The following KRABD5 variants were observed in gnomAD, a reference collection of about 807,000 sequenced individuals.
The protein encoded by KRABD5 is KRAB domain-containing protein 5.
chr16:31,721,158 G>A, the KRABD5 span, among the ~76,000 whole-genome samples: 1 of 152,122 alleles, frequency 6.6e-6, no homozygotes, highest in South Asian at 2.1e-4. Context: ...GAATGTGTTA[G>A]TCTTCATAGT....
the KRABD5 span, among the ~76,000 whole-genome samples, chr16:31,749,110 G>A: frequency 4.6e-5 from 7 of 152,214 alleles, no homozygotes; most frequent in South Asian, 2.1e-4. Flanking sequence ...CTCTCGCTAG[G>A]GGCTCAGGCC....
At chr16:31,739,999 T>C in the KRABD5 span, among the ~76,000 whole-genome samples, 2 of 152,230 alleles carry the variant, frequency 1.3e-5, no homozygotes, top group Non-Finnish European at 2.9e-5. Flanking sequence ...ATCCCTTTGT[T>C]TCCTGTAAGG....
At chr16:31,714,781 AG>A in the KRABD5 span, among the ~76,000 whole-genome samples, 1 of 152,202 alleles carries the variant, frequency 6.6e-6, no homozygotes, top group Non-Finnish European at 1.5e-5. Context: ...TCTGGAAAGC[AG>A]GGGATTCACA....
chr16:31,723,196 C>T, the KRABD5 span: 1 of 1,540,512 alleles, frequency 6.5e-7, no homozygotes, highest in Non-Finnish European at 8.9e-7. Flanking sequence ...ACTGAGTATC[C>T]TACTGAGCTG....
At chr16:31,732,105 A>T in the KRABD5 span, among the ~76,000 whole-genome samples, 1 of 152,204 alleles carries the variant, frequency 6.6e-6, no homozygotes, top group Admixed American at 6.5e-5. Flanking sequence ...ACAGTCAGAT[A>T]TAGCAATTTT....
At chr16:31,746,790 T>A in the KRABD5 span, among the ~76,000 whole-genome samples, 1 of 152,184 alleles carries the variant, frequency 6.6e-6, no homozygotes, top group Non-Finnish European at 1.5e-5. Flanking sequence ...AAGTCACGTA[T>A]TTCTTGGAGG....
the KRABD5 span, among the ~76,000 whole-genome samples, chr16:31,745,113 A>G: frequency 2.0e-5 from 3 of 151,994 alleles, no homozygotes; most frequent in South Asian, 2.1e-4. Context: ...TCATGTCTCT[A>G]TCTCCTTCAA....
the KRABD5 span, among the ~76,000 whole-genome samples, chr16:31,723,023 C>T: frequency 2.0e-5 from 3 of 152,292 alleles, no homozygotes; most frequent in East Asian, 3.9e-4. Flanking sequence ...ATTGCCCACA[C>T]TTTAAAATCT....
chr16:31,751,736 C>T, the KRABD5 span, among the ~76,000 whole-genome samples: 1 of 152,064 alleles, frequency 6.6e-6, no homozygotes, highest in African/African-American at 2.4e-5. Flanking sequence ...TTTGCTGATG[C>T]TTTGTATGGA....
the KRABD5 span, among the ~76,000 whole-genome samples, chr16:31,728,530 T>C: frequency 6.6e-6 from 1 of 152,188 alleles, no homozygotes; most frequent in African/African-American, 2.4e-5. Context: ...GATTTTTCTT[T>C]TGATTTCTTC....
the KRABD5 span, among the ~76,000 whole-genome samples, chr16:31,731,605 C>T: frequency 6.6e-6 from 1 of 152,198 alleles, no homozygotes; most frequent in East Asian, 1.9e-4. Context: ...GGGCCCATGG[C>T]TTGTCTCCTT....
At chr16:31,734,501 T>G in the KRABD5 span, among the ~76,000 whole-genome samples, 92,120 of 151,912 alleles carry the variant, frequency 0.61, 28,999 homozygotes, top group Middle Eastern at 0.73. Context: ...GTGCTCCTGC[T>G]TCCGCCTCCC....
chr16:31,739,948 AGCCCATCCCTTTATTTTG>A, the KRABD5 span, among the ~76,000 whole-genome samples: 22,881 of 152,046 alleles, frequency 0.15, 2,419 homozygotes, highest in South Asian at 0.32. Flanking sequence ...AACTAGCCAG[AGCCCATCCCTTTATTTTG>A]GCCCATCCCT....
the KRABD5 span, chr16:31,722,756 A>G: frequency 1.3e-6 from 2 of 1,579,816 alleles, no homozygotes; most frequent in Non-Finnish European, 1.7e-6. Context: ...TCTCTGGGTG[A>G]GGATAACTTG....
the KRABD5 span, among the ~76,000 whole-genome samples, chr16:31,715,222 A>G: frequency 6.6e-6 from 1 of 152,162 alleles, no homozygotes; most frequent in Non-Finnish European, 1.5e-5. Flanking sequence ...TGGTTAACAC[A>G]TATTTTGTTT....
At chr16:31,749,764 C>A in the KRABD5 span, among the ~76,000 whole-genome samples, 1 of 152,180 alleles carries the variant, frequency 6.6e-6, no homozygotes. Flanking sequence ...ATCATGCCAG[C>A]CTCCTAGTCA....
the KRABD5 span, chr16:31,722,765 T>G: frequency 6.3e-7 from 1 of 1,574,992 alleles, no homozygotes; most frequent in Non-Finnish European, 8.6e-7. Context: ...GAGGATAACT[T>G]GCCTTTGGAA....
At chr16:31,717,487 A>G in the KRABD5 span, among the ~76,000 whole-genome samples, 3 of 152,196 alleles carry the variant, frequency 2.0e-5, no homozygotes, top group Admixed American at 1.3e-4. Context: ...TCCTTTAACT[A>G]TATAGCCAAA....
the KRABD5 span, among the ~76,000 whole-genome samples, chr16:31,720,069 A>G: frequency 1.3e-5 from 2 of 152,184 alleles, no homozygotes; most frequent in African/African-American, 4.8e-5. Flanking sequence ...CCAGGGGTTT[A>G]TATGGCTTAA....
Sources: gnomAD v4.1 joint callset for allele counts (sites outside exome capture counted in the v4.1 genomes callset) on GRCh38, gnomAD v4.1.1 for gene constraint, MANE v1.5 for transcripts, NCBI Gene and HGNC (gene_info 2026-07-23, HGNC 2026-07-21) for gene names.